Variants in RARRES1 observed in about 807,000 individuals in gnomAD.
RARRES1 encodes the protein retinoic acid receptor responder protein 1.
Under a neutral mutation model 30.6 loss-of-function variants are expected in RARRES1, and 34 were observed. The observed-to-expected ratio is 1.11, with a 90% CI of 0.84 to 1.48. RARRES1 has a LOEUF of 1.48. Ranked by LOEUF, RARRES1 falls within the 40% of genes most tolerant of loss-of-function variation. RARRES1 has a pLI of 0.00. For missense variants in RARRES1, 373 were observed against 386.5 expected (o/e 0.97, Z 0.29); for synonymous variants, 153 against 155.5 (o/e 0.98, Z 0.12).
At chr3:158,700,542 T>C (rs1371888235) in intron 4 of RARRES1, among the ~76,000 whole-genome samples, 2 of 152,144 alleles carry the variant, frequency 1.3e-5, no homozygotes, top group African/African-American at 2.4e-5. Flanking sequence ...TTTGTTTTTA[T>C]AGATTCCTCC....
At chr3:158,725,727 G>A (rs1280376703) in intron 1 of RARRES1, among the ~76,000 whole-genome samples, 1 of 152,208 alleles carries the variant, frequency 6.6e-6, no homozygotes, top group Non-Finnish European at 1.5e-5. Flanking sequence ...AGGAGATTGA[G>A]GCAAAGTGCC....
At chr3:158,727,076 G>C (rs1727718047) in intron 1 of RARRES1, among the ~76,000 whole-genome samples, 1 of 152,194 alleles carries the variant, frequency 6.6e-6, no homozygotes, top group African/African-American at 2.4e-5. Context: ...GGCCTCTCCA[G>C]AAGCGGATGC....
Position 158,698,242 on chromosome 3 carries a change from A to G in RARRES1, c.673-272T>C, listed in dbSNP as rs1576805491. The G allele has an allele frequency of 7.3e-6, 3 of 409,912 alleles. No individual in the cohort carries two copies. In the East Asian group the frequency reaches 1.5e-4, roughly 21 times the overall value. 25.4% of individuals were successfully genotyped at this position (409,912 alleles called of 1,614,324 possible). ...GTGGGAATAGGGAGATTCTTTTAAC[A>G]ACCTTAAGGATCTAGATACTGTATA... is the stretch of plus-strand genomic sequence containing the variant. On this transcript the variant is annotated intron_variant, in intron 4 of 5. Transcript: ENST00000237696.
chr3:158,704,221 T>G (rs1204156901), intron 4 of RARRES1, among the ~76,000 whole-genome samples: 2 of 23,858 alleles, frequency 8.4e-5, no homozygotes, highest in East Asian at 1.0e-3. Context: ...TTTTTTTTTT[T>G]TTTTTTTTTT....
intron 1 of RARRES1, among the ~76,000 whole-genome samples, chr3:158,718,154 A>G (rs1317321096): frequency 6.6e-6 from 1 of 151,876 alleles, no homozygotes; most frequent in East Asian, 1.9e-4. Flanking sequence ...AATTTTTTGT[A>G]TTTTTAGTAG....
intron 3 of RARRES1, among the ~76,000 whole-genome samples, chr3:158,709,649 C>T (rs949073942): frequency 2.0e-5 from 3 of 152,190 alleles, no homozygotes; most frequent in African/African-American, 7.2e-5. Context: ...ACTACAGAGC[C>T]TCCAGTGTTG....
intron 2 of RARRES1, among the ~76,000 whole-genome samples, chr3:158,711,186 T>G (rs554748349): frequency 1.5e-3 from 234 of 152,282 alleles, no homozygotes; most frequent in Non-Finnish European, 2.3e-3. Context: ...AGAAATATCA[T>G]TGACATCCAT....
chr3:158,697,788 C>A lies in RARRES1; in HGVS notation c.775G>T (p.Gly259Cys). The change falls in exon 6 of 6, where the codon GGC becomes TGC. Residue 259 changes from glycine to cysteine, a missense_variant. Transcript: ENST00000237696. ...TGGTACTTCACTTTAAGAGGTTTGC[C>A]AGGGTACCAGACCAAGTGAATGCGA... is the stretch of plus-strand genomic sequence containing the variant. ...PCRIHLVWYP[G>C]KPLKVKYHCQ... is the part of the protein sequence containing the mutation. The A allele has an allele frequency of 6.2e-7, 1 of 1,611,572 alleles. No homozygotes were observed.
At chr3:158,713,732 C>CT in intron 2 of RARRES1, 65 bp downstream of exon 2, 1 of 1,461,172 alleles carries the variant, frequency 6.8e-7, no homozygotes, top group Non-Finnish European at 9.4e-7. Flanking sequence ...AAGATTCTCA[C>CT]TTTTTTACAA....
At position 158,704,892 on chromosome 3, in the gene RARRES1, TGAGTCTCAGA is replaced by T; in HGVS notation, c.561_570del (p.Leu188SerfsTer12). 6.2e-7 allele frequency: 1 copy of T among 1,613,770 alleles called. No homozygotes were observed. Among genetic ancestry groups the T allele is most frequent in the Non-Finnish European group, 8.5e-7 (1 of 1,179,942 alleles). On this transcript the variant is annotated frameshift_variant, in exon 4 of 6. Coordinates refer to ENST00000237696, the MANE Select transcript of RARRES1 (RefSeq NM_206963.2). LOFTEE classifies it high-confidence loss of function. ...CTTCCAAGGAAAGCCAAATCCCAGATGAGTCTCAGAGAGGGATCAATATGTCCATGATTAT... is the reference window on the plus strand; with the variant it reads ...CTTCCAAGGAAAGCCAAATCCCAGATGAGGGATCAATATGTCCATGATTAT...
intron 1 of RARRES1, among the ~76,000 whole-genome samples, chr3:158,721,042 C>A (rs552571291): frequency 6.6e-6 from 1 of 152,270 alleles, no homozygotes; most frequent in South Asian, 2.1e-4. Flanking sequence ...TGGATGCAGA[C>A]CCTTTCAGAC....
intron 1 of RARRES1, among the ~76,000 whole-genome samples, chr3:158,722,327 T>C (rs1017834817): frequency 6.6e-6 from 1 of 152,248 alleles, no homozygotes; most frequent in Middle Eastern, 3.2e-3. Flanking sequence ...TTTGTTTTCA[T>C]GTTAATGGAT....
intron 1 of RARRES1, among the ~76,000 whole-genome samples, chr3:158,727,195 C>T (rs1030154157): frequency 1.3e-5 from 2 of 152,276 alleles, no homozygotes; most frequent in Middle Eastern, 3.4e-3. Flanking sequence ...AAGAAATGAC[C>T]AGTGCAGACT....
intron 2 of RARRES1, 40 bp downstream of exon 2, chr3:158,713,757 C>T (rs372087829): frequency 1.3e-6 from 2 of 1,554,810 alleles, no homozygotes; most frequent in African/African-American, 1.4e-5. Flanking sequence ...ATATTTATAG[C>T]AGTTGCTAAT....
At chr3:158,731,997 G>T in intron 1 of RARRES1, 143 bp downstream of exon 1, 1 of 866,644 alleles carries the variant, frequency 1.2e-6, no homozygotes. Context: ...AGGCCCAGCT[G>T]GGATCTCCCC....
chr3:158,727,441 C>A (rs1478177437), intron 1 of RARRES1, among the ~76,000 whole-genome samples: 1 of 152,204 alleles, frequency 6.6e-6, no homozygotes, highest in Non-Finnish European at 1.5e-5. Context: ...AATGGGTTGA[C>A]TTTCTTACAG....
intron 4 of RARRES1, among the ~76,000 whole-genome samples, chr3:158,698,532 C>G (rs762895075): frequency 1.3e-5 from 2 of 152,224 alleles, no homozygotes; most frequent in South Asian, 4.1e-4. Flanking sequence ...ATATATACCA[C>G]ATGAAGCTAT....
At chr3:158,728,224 AC>A (rs1247648812) in intron 1 of RARRES1, among the ~76,000 whole-genome samples, 2 of 151,856 alleles carry the variant, frequency 1.3e-5, no homozygotes, top group Admixed American at 1.3e-4. Context: ...AAAAAAAAAA[AC>A]CGGATCCCAC....
intron 3 of RARRES1, among the ~76,000 whole-genome samples, chr3:158,710,402 G>T (rs1727079490): frequency 6.6e-6 from 1 of 152,076 alleles, no homozygotes; most frequent in Non-Finnish European, 1.5e-5. Flanking sequence ...TAGAGACGGG[G>T]TTTCACCGTG....
Sources: allele counts gnomAD v4.1 joint callset (sites outside exome capture counted in the v4.1 genomes callset), GRCh38; gene constraint gnomAD v4.1.1; transcripts MANE v1.5; gene names NCBI Gene and HGNC (gene_info 2026-07-23, HGNC 2026-07-21).